Variants in VAV3 observed in about 807,000 individuals in gnomAD.
VAV3 encodes vav guanine nucleotide exchange factor 3.
In VAV3, 94 loss-of-function variants were observed where a neutral mutation model predicts 131.2. That is an observed-to-expected ratio of 0.72 (90% CI 0.61 to 0.85). The LOEUF is 0.85. Among genes scored for constraint, VAV3 ranks in the 40% least tolerant of loss-of-function variants. The probability of loss-of-function intolerance (pLI) is 0.00; values close to 1 mark genes in which losing one functional copy is unlikely to be tolerated. For synonymous variants in VAV3, 349 were observed against 342.0 expected, an observed-to-expected ratio of 1.02 and a Z score of -0.22; for missense variants, 939 against 1,002.7, an observed-to-expected ratio of 0.94 and a Z score of 0.86.
At chr1:107,928,871 A>G (rs1673283625) in intron 1 of VAV3, among the ~76,000 whole-genome samples, 1 of 152,332 alleles carries the variant, frequency 6.6e-6, no homozygotes, top group South Asian at 2.1e-4. Context: ...TTCCCAATGT[A>G]GAGAAAGATA....
chr1:107,719,703 T>A (rs1661365055), intron 15 of VAV3, among the ~76,000 whole-genome samples: 1 of 152,210 alleles, frequency 6.6e-6, no homozygotes, highest in Non-Finnish European at 1.5e-5. Flanking sequence ...GCAATCCCAC[T>A]ACTGGGTATA....
chr1:107,753,547 T>C lies in VAV3; in HGVS notation c.1173+1880A>G, dbSNP rs149217071. On this transcript the variant is annotated intron_variant, in intron 12 of 26. Coordinates refer to ENST00000370056, the MANE Select transcript of VAV3 (RefSeq NM_006113.5). ...ATATACGTATATATATATATATATATATACACACACACACTTTTTTTTTTG... is the reference window on the plus strand; with the variant it reads ...ATATACGTATATATATATATATATACATACACACACACACTTTTTTTTTTG... Among the ~76,000 whole-genome samples, 30 of 48,458 alleles carry C rather than the reference T, an allele frequency of 6.2e-4. 1 individual carries two copies. In the East Asian group the frequency reaches 0.01, roughly 16 times the overall value. 31.8% of individuals were successfully genotyped at this position (48,458 alleles called of 152,430 possible). A position where few individuals can be genotyped will look rare whatever the true frequency, so the allele number is the denominator to read the frequency against.
chr1:107,620,473 A>G (rs1653488375), intron 20 of VAV3, among the ~76,000 whole-genome samples: 1 of 152,156 alleles, frequency 6.6e-6, no homozygotes, highest in African/African-American at 2.4e-5. Context: ...GCAAGAGGCT[A>G]TACACGTAGC....
intron 22 of VAV3, chr1:107,609,302 G>C (rs1652536008): frequency 6.6e-6 from 1 of 152,080 alleles, no homozygotes; most frequent in Non-Finnish European, 1.5e-5. Context: ...CCTAGGTTTT[G>C]TTAATGATAC....
At chr1:107,869,059 C>A (rs1480825195) in intron 2 of VAV3, among the ~76,000 whole-genome samples, 1 of 152,020 alleles carries the variant, frequency 6.6e-6, no homozygotes, top group Non-Finnish European at 1.5e-5. Context: ...CATCTACACT[C>A]TTCTGTATCA....
At chr1:107,770,562 A>G in intron 6 of VAV3, 74 bp downstream of exon 6, 4 of 981,142 alleles carry the variant, frequency 4.1e-6, no homozygotes, top group Non-Finnish European at 4.8e-6. Context: ...ACACCTTCAG[A>G]AGAAACAGTG....
intron 1 of VAV3, among the ~76,000 whole-genome samples, chr1:107,919,296 A>T (rs1357191757): frequency 6.6e-6 from 1 of 152,248 alleles, no homozygotes; most frequent in African/African-American, 2.4e-5. Flanking sequence ...TAAGCATGTG[A>T]TTACATTTAG....
intron 17 of VAV3, among the ~76,000 whole-genome samples, chr1:107,695,485 T>C (rs182969874): frequency 6.9e-4 from 105 of 152,240 alleles, no homozygotes; most frequent in African/African-American, 2.4e-3. Context: ...CACCCAGGTC[T>C]ATGTGAGTGT....
At chr1:107,808,841 A>G (rs1259270431) in intron 2 of VAV3, among the ~76,000 whole-genome samples, 1 of 152,190 alleles carries the variant, frequency 6.6e-6, no homozygotes, top group African/African-American at 2.4e-5. Flanking sequence ...ATCAATGAAA[A>G]TAATACTGCT....
chr1:107,933,505 T>C (rs1673559059), intron 1 of VAV3, among the ~76,000 whole-genome samples: 1 of 152,140 alleles, frequency 6.6e-6, no homozygotes, highest in East Asian at 1.9e-4. Context: ...ACCCATTTCC[T>C]GCAATTGGAT....
intron 17 of VAV3, among the ~76,000 whole-genome samples, chr1:107,691,386 T>C (rs920912338): frequency 6.6e-6 from 1 of 152,172 alleles, no homozygotes; most frequent in South Asian, 2.1e-4. Flanking sequence ...GAAACTACTA[T>C]GGTGGGCACT....
intron 19 of VAV3, among the ~76,000 whole-genome samples, chr1:107,682,443 A>C (rs1658704008): frequency 6.6e-6 from 1 of 152,194 alleles, no homozygotes; most frequent in Non-Finnish European, 1.5e-5. Context: ...AGTCCTCTGC[A>C]AAGGATATTG....
At chr1:107,692,784 A>G (rs543607920) in intron 17 of VAV3, among the ~76,000 whole-genome samples, 1 of 152,264 alleles carries the variant, frequency 6.6e-6, no homozygotes, top group East Asian at 1.9e-4. Flanking sequence ...AGATAAGCAA[A>G]TGGGGATCTG....
chr1:107,876,440 G>A (rs917476120), intron 1 of VAV3, among the ~76,000 whole-genome samples: 5 of 152,132 alleles, frequency 3.3e-5, no homozygotes, highest in African/African-American at 9.7e-5. Context: ...AGAAGATGTC[G>A]AGACATGTTT....
At chr1:107,850,861 C>CAT (rs150171960) in intron 2 of VAV3, among the ~76,000 whole-genome samples, 4,446 of 151,370 alleles carry the variant, frequency 0.029, 85 homozygotes, top group Middle Eastern at 0.086. Context: ...GGCTACCACA[C>CAT]ATATATATAT....
At chr1:107,711,212 T>C (rs1660763880) in intron 15 of VAV3, among the ~76,000 whole-genome samples, 2 of 152,178 alleles carry the variant, frequency 1.3e-5, no homozygotes, top group African/African-American at 4.8e-5. Flanking sequence ...AGACATCAAG[T>C]GGCACCTGAA....
chr1:107,704,823 C>G, intron 16 of VAV3, 137 bp downstream of exon 16: 1 of 1,067,726 alleles, frequency 9.4e-7, no homozygotes, highest in Non-Finnish European at 1.4e-6. Context: ...GAAAGCCTGG[C>G]AAAGGTTTGT....
intron 19 of VAV3, among the ~76,000 whole-genome samples, chr1:107,670,490 T>G (rs1280884646): frequency 5.3e-5 from 8 of 152,162 alleles, no homozygotes; most frequent in Non-Finnish European, 1.0e-4. Context: ...TTTTTTTTTT[T>G]GCCTTTCAGA....
chr1:107,830,705 C>T (rs146990104), intron 2 of VAV3, among the ~76,000 whole-genome samples: 4 of 152,142 alleles, frequency 2.6e-5, no homozygotes, highest in South Asian at 2.1e-4. Context: ...TCTTTACCTA[C>T]GATTGTCTTG....
Sources: allele counts gnomAD v4.1 joint callset (sites outside exome capture counted in the v4.1 genomes callset), GRCh38; gene constraint gnomAD v4.1.1; transcripts MANE v1.5; gene names NCBI Gene and HGNC (gene_info 2026-07-23, HGNC 2026-07-21).